Variants in FCSK observed in about 807,000 individuals in gnomAD.
FCSK encodes the protein L-fucose kinase.
Under a neutral mutation model 122.5 loss-of-function variants are expected in FCSK, and 123 were observed. That is an observed-to-expected ratio of 1.00 (90% confidence interval 0.87 to 1.17). The LOEUF (loss-of-function observed/expected upper bound fraction) is 1.17, where lower values mean the gene tolerates loss of function less well. Ranked by LOEUF, FCSK falls within the 50% of genes most tolerant of loss-of-function variation. The pLI, the probability that FCSK is intolerant of heterozygous loss-of-function variation, is 0.00. For missense variants in FCSK, 1,366 were observed against 1,450.4 expected (o/e 0.94, Z 0.95); for synonymous variants, 620 against 625.5 (o/e 0.99, Z 0.13).
chr16:70,455,818 G>A (rs2048077514), intron 1 of FCSK, among the ~76,000 whole-genome samples: 1 of 151,948 alleles, frequency 6.6e-6, no homozygotes, highest in Admixed American at 6.6e-5. Flanking sequence ...CTTTAACCTG[G>A]GAGGCGGAGA....
rs1240198659 is a variant in FCSK at position 70,472,540 on chromosome 16, G to A, written c.1342-1G>A. 8.7e-6 allele frequency: 14 copies of A among 1,611,816 alleles called. No individual in the cohort carries two copies. Among genetic ancestry groups the A allele is most frequent in the African/African-American group, 1.3e-5 (1 of 74,820 alleles). On this transcript the variant is annotated splice_acceptor_variant, in intron 13 of 23. Transcript: ENST00000288078. LOFTEE classifies it high-confidence loss of function. ...CCTGACTGCTTCTTCCTCTCCCCCA[G>A]AGACAGGGGGCAGGCACATATCTCA...
rs1190845201 is a variant in FCSK, at chr16:70,472,989, G to A, written c.1413G>A (p.Trp471Ter). Residue 471 changes from tryptophan to a stop codon, truncating the protein, a stop_gained, in exon 15 of 24, where the codon TGG (tryptophan) becomes TGA (stop). Transcript: ENST00000288078. LOFTEE classifies it high-confidence loss of function. ...TGCCTTCTCCCCACATCAGAGCCTG[G>A]GACCTGTGGGACCCTGAGACGCTGC... is the stretch of plus-strand genomic sequence containing the variant. ...EFFKRTGVRAWDLWDPETLPA... is the reference protein window; with the variant it reads ...EFFKRTGVRA 1 of 1,602,302 alleles carries A rather than the reference G, an allele frequency of 6.2e-7. No homozygotes were observed. Among genetic ancestry groups the A allele is most frequent in the Non-Finnish European group, 8.5e-7 (1 of 1,174,996 alleles).
chr16:70,478,644 C>T lies in FCSK; in HGVS notation c.2923C>T (p.Arg975Cys), dbSNP rs762425961. The change falls in exon 22 of 24, where the codon CGC (arginine) becomes TGC (cysteine). Residue 975 changes from arginine (R) to cysteine (C), a missense_variant. Coordinates refer to ENST00000288078, the MANE Select transcript of FCSK (RefSeq NM_145059.3). ...RQTEECAEGF[R>C]QGSLPLLGQC... ...AACTGAGGAGTGTGCTGAAGGCTTC[C>T]GCCAAGGTGAGGGGCTTCCTCTGGG... 19 of 1,613,144 alleles carry T rather than the reference C, an allele frequency of 1.2e-5. No individual in the cohort carries two copies. Among genetic ancestry groups the T allele is most frequent in the Middle Eastern group, 1.6e-4 (1 of 6,080 alleles).
At position 70,476,042 on chromosome 16, in the gene FCSK, G is replaced by T. The variant is rs17885619; in HGVS notation, c.2641+275G>T. The T allele has an allele frequency of 6.0e-3, 1,477 of 247,166 alleles. 23 individuals carry two copies. Among genetic ancestry groups the T allele is most frequent in the African/African-American group, 0.032 (1,408 of 43,754 alleles). 15.3% of individuals were successfully genotyped at this position (247,166 alleles called of 1,614,324 possible). A position where few individuals can be genotyped will look rare whatever the true frequency, so the allele number is the denominator to read the frequency against. ...TTTTGAGACGGAGTCTTGCTCTGTC[G>T]CCCAGGCTGGAGTGCAGTGGTGCGA... On this transcript the variant is annotated intron_variant, in intron 20 of 23. Transcript: ENST00000288078.
chr16:70,464,377 C>T (rs1202163343), intron 3 of FCSK, among the ~76,000 whole-genome samples: 6 of 152,054 alleles, frequency 3.9e-5, no homozygotes, highest in Admixed American at 1.3e-4. Flanking sequence ...AGAGGCCGGG[C>T]GCGGTGGCTC....
chr16:70,478,130 T>C, intron 20 of FCSK, 142 bp from the exon 21 acceptor site: 2 of 726,818 alleles, frequency 2.8e-6, no homozygotes, highest in Non-Finnish European at 4.5e-6. Flanking sequence ...GGACAGAAGC[T>C]GCATAGCTCA....
At chr16:70,470,941 C>G (rs749160612) in intron 11 of FCSK, 30 bp from the exon 12 acceptor site, 6 of 1,533,542 alleles carry the variant, frequency 3.9e-6, no homozygotes, top group Non-Finnish European at 4.4e-6. Context: ...GCCTCGACCC[C>G]CCTCATGCTC....
chr16:70,468,715 G>A, intron 8 of FCSK, 134 bp from the exon 9 acceptor site: 2 of 1,088,740 alleles, frequency 1.8e-6, no homozygotes, highest in Non-Finnish European at 2.7e-6. Context: ...GGCTGCTGGA[G>A]TGGTCAGAAG....
chr16:70,466,795 T>A, intron 5 of FCSK, 87 bp from the exon 6 acceptor site: 1 of 1,249,914 alleles, frequency 8.0e-7, no homozygotes. Context: ...CCTTGTTACT[T>A]CAACAGCACA....
In FCSK at chr16:70,474,772, C is replaced by A; in HGVS notation, c.2156-18C>A. On this transcript the variant is annotated intron_variant, in intron 17 of 23. Transcript: ENST00000288078. ...GGCAGCTTCTGTGACCAGCTTGAGT[C>A]TTGCCACACTGCCATAGGGGGCTGG... 6.4e-7 allele frequency: 1 copy of A among 1,558,164 alleles called. No individual in the cohort carries two copies. The highest frequency in any genetic ancestry group is 8.7e-7 in the Non-Finnish European group (1 of 1,150,252).
chr16:70,474,499 G>A (rs1181799606), intron 16 of FCSK, 29 bp from the exon 17 acceptor site: 8 of 1,545,902 alleles, frequency 5.2e-6, no homozygotes, highest in Non-Finnish European at 7.0e-6. Context: ...GGGGCTGCAT[G>A]CCACCATCCC....
At chr16:70,458,047 A>G (rs2048144881) in intron 1 of FCSK, 1 of 149,486 alleles carries the variant, frequency 6.7e-6, no homozygotes, top group African/African-American at 2.5e-5. Flanking sequence ...AATAATACTT[A>G]TCTTGCAGGG....
At position 70,463,673 on chromosome 16, in the gene FCSK, C is replaced by G; in HGVS notation, c.133C>G (p.Leu45Val). ...GCAGATCCCTGCTGGGACGCTGTTACTGGCCGTGGAGGACCCAGAGAAGCG... is the reference window on the plus strand; with the variant it reads ...GCAGATCCCTGCTGGGACGCTGTTAGTGGCCGTGGAGGACCCAGAGAAGCG... The part of the protein sequence containing the change: ...REQIPAGTLL[L>V]AVEDPEKRVG... Residue 45 changes from leucine to valine, a missense_variant, in exon 3 of 24, where the codon CTG becomes GTG. By Grantham distance (32) the Leu-to-Val change is conservative (BLOSUM62 1). Transcript: ENST00000288078. 1 of 1,613,356 alleles carries G rather than the reference C, an allele frequency of 6.2e-7. No homozygotes were observed. The highest frequency in any genetic ancestry group is 8.5e-7 in the Non-Finnish European group (1 of 1,180,012).
At chr16:70,467,679 C>A (rs1188903799) in intron 7 of FCSK, 1 of 635,654 alleles carries the variant, frequency 1.6e-6, no homozygotes, top group Non-Finnish European at 2.8e-6. Flanking sequence ...GTCTCTGTGC[C>A]CAGGCTCAGG....
At chr16:70,462,770 G>A (rs1286405688) in intron 1 of FCSK, among the ~76,000 whole-genome samples, 2 of 151,532 alleles carry the variant, frequency 1.3e-5, no homozygotes, top group African/African-American at 2.4e-5. Flanking sequence ...TCAGCCTCCC[G>A]AGTAGCTGGG....
intron 15 of FCSK, 41 bp from the exon 16 acceptor site, chr16:70,474,088 C>T (rs748746889): frequency 6.5e-7 from 1 of 1,528,872 alleles, no homozygotes; most frequent in Non-Finnish European, 8.8e-7. Context: ...ATTTTGAAGA[C>T]AGGCCTCCTC....
At chr16:70,478,192 G>T (rs2048874288) in intron 20 of FCSK, 80 bp from the exon 21 acceptor site, 3 of 1,421,992 alleles carry the variant, frequency 2.1e-6, no homozygotes, top group East Asian at 2.3e-5. Context: ...CCCAGCAAGG[G>T]GTGCAGGGCC....
At position 70,475,463 on chromosome 16, in the gene FCSK, T is replaced by C; in HGVS notation, c.2491T>C (p.Trp831Arg). The C allele has an allele frequency of 3.7e-6, 6 of 1,605,430 alleles. No individual in the cohort carries two copies. Among genetic ancestry groups the C allele is most frequent in the Non-Finnish European group, 4.2e-6 (5 of 1,179,302 alleles). The change falls in exon 19 of 24, where the codon TGG (tryptophan) becomes CGG (arginine). Residue 831 changes from tryptophan to arginine, a missense_variant. Coordinates refer to ENST00000288078, the MANE Select transcript of FCSK (RefSeq NM_145059.3). ...TFGGGFELHT[W>R]SELPHGSGLG... Reference sequence around the variant, plus strand: ...CGGGGGCGGCTTTGAGCTGCACACCTGGTCTGAGCTGCCCCACGGCTCTGG... The same window carrying C: ...CGGGGGCGGCTTTGAGCTGCACACCCGGTCTGAGCTGCCCCACGGCTCTGG...
At chr16:70,459,816 T>C (rs910421468) in intron 1 of FCSK, among the ~76,000 whole-genome samples, 5 of 152,010 alleles carry the variant, frequency 3.3e-5, no homozygotes, top group African/African-American at 1.2e-4. Flanking sequence ...TTTTTTTTTT[T>C]TCGAGATAGA....
Sources: gnomAD v4.1 joint callset for allele counts (sites outside exome capture counted in the v4.1 genomes callset) on GRCh38, gnomAD v4.1.1 for gene constraint, MANE v1.5 for transcripts, NCBI Gene and HGNC (gene_info 2026-07-23, HGNC 2026-07-21) for gene names.